The following GTF2H1 variants were observed in gnomAD, a reference collection of about 807,000 sequenced individuals.
GTF2H1 encodes the protein BTF2 p62.
Under a neutral mutation model 71.2 loss-of-function variants are expected in GTF2H1, and 16 were observed. The observed-to-expected ratio is 0.22, with a 90% CI of 0.15 to 0.34. The LOEUF is 0.34. GTF2H1 is among the 10% of genes least tolerant of loss of function. GTF2H1 has a pLI of 1.00. For missense variants in GTF2H1, 498 were observed against 648.2 expected (o/e 0.77, Z 2.52); for synonymous variants, 215 against 219.0 (o/e 0.98, Z 0.16).
chr11:18,361,567 G>A (rs4150669), intron 14 of GTF2H1, among the ~76,000 whole-genome samples: 2,285 of 152,296 alleles, frequency 0.015, 53 homozygotes, highest in African/African-American at 0.052. Context: ...TACTCGGGAG[G>A]CTGAGACAGG....
chr11:18,365,956 A>G lies in GTF2H1; in HGVS notation c.*87A>G. ...GAAACCTGGCCTGACAGACAAGCAG[A>G]TGACCTCACAGGAGTGATAAGAAAC... On this transcript the variant is annotated 3_prime_UTR_variant, in exon 15 of 15. Coordinates refer to ENST00000265963, the MANE Select transcript of GTF2H1 (RefSeq NM_005316.4). 2.4e-6 allele frequency: 2 copies of G among 834,890 alleles called. No homozygotes were observed. Among genetic ancestry groups the G allele is most frequent in the Non-Finnish European group, 2.0e-6 (1 of 494,858 alleles). The allele number at this position is 834,890 out of a possible 1,614,324, so 51.7% of individuals were successfully genotyped here.
intron 1 of GTF2H1, among the ~76,000 whole-genome samples, chr11:18,330,481 A>G (rs920079760): frequency 2.0e-5 from 3 of 152,226 alleles, no homozygotes; most frequent in South Asian, 4.1e-4. Flanking sequence ...AGAGGGCTAC[A>G]TGAAGTACTG....
rs1590203096 is a variant in GTF2H1 at position 18,365,855 on chromosome 11, A to G, written c.1633A>G (p.Met545Val). 3 of 1,612,826 alleles carry G rather than the reference A, an allele frequency of 1.9e-6. No individual in the cohort carries two copies. The highest frequency in any genetic ancestry group is 2.5e-6 in the Non-Finnish European group (3 of 1,178,840). The change falls in exon 15 of 15, where the codon ATG (methionine) becomes GTG (valine). Residue 545 changes from methionine to valine, a missense_variant. Around this residue, in one of 3 missense-constraint regions of GTF2H1, gnomAD observed 266 missense variants for 301.6 expected, o/e 0.88. Coordinates refer to ENST00000265963, the MANE Select transcript of GTF2H1 (RefSeq NM_005316.4). ...KLHTWQSRRL[M>V]KKT ...CCACACATGGCAGTCACGGCGTCTG[A>G]TGAAGAAAACGTGAGGTGGCCATGA...
chr11:18,340,094 T>G (rs1393786450), intron 5 of GTF2H1, among the ~76,000 whole-genome samples: 1 of 152,130 alleles, frequency 6.6e-6, no homozygotes, highest in Non-Finnish European at 1.5e-5. Flanking sequence ...TTCCCCACTC[T>G]TACCCCTTTA....
chr11:18,347,956 G>A (rs1410064574), intron 9 of GTF2H1, 37 bp downstream of exon 9: 5 of 1,327,586 alleles, frequency 3.8e-6, no homozygotes. Context: ...TGGGGCTCAA[G>A]TTTCTCCAAA....
chr11:18,328,235 G>A (rs145059966), intron 1 of GTF2H1, among the ~76,000 whole-genome samples: 2,847 of 146,444 alleles, frequency 0.019, 40 homozygotes, highest in Middle Eastern at 0.053. Context: ...ATGGGGCCAG[G>A]CACTGTGGCT....
intron 7 of GTF2H1, among the ~76,000 whole-genome samples, chr11:18,345,795 A>ATTCTTTTTTTT (rs1865279546): frequency 2.4e-5 from 1 of 42,422 alleles, no homozygotes; most frequent in Non-Finnish European, 5.2e-5. Context: ...AGCACATATG[A>ATTCTTTTTTTT]GTTTTTTTTT....
At chr11:18,357,521 A>T (rs1865584933) in intron 11 of GTF2H1, among the ~76,000 whole-genome samples, 1 of 152,200 alleles carries the variant, frequency 6.6e-6, no homozygotes. Flanking sequence ...GTTCAAGTTC[A>T]GCCTGGGCAA....
intron 11 of GTF2H1, among the ~76,000 whole-genome samples, 187 bp downstream of exon 11, chr11:18,352,633 A>G (rs996855515): frequency 6.6e-6 from 1 of 152,246 alleles, no homozygotes. Context: ...GCATCTGAAG[A>G]TAAGATGATA....
chr11:18,346,939 C>G (rs1865309450), intron 7 of GTF2H1, among the ~76,000 whole-genome samples: 1 of 150,826 alleles, frequency 6.6e-6, no homozygotes, highest in Admixed American at 6.6e-5. Context: ...GAGGTTTCAC[C>G]ATGTTGGCCG....
At chr11:18,362,237 T>C (rs896752375) in intron 14 of GTF2H1, among the ~76,000 whole-genome samples, 2 of 152,180 alleles carry the variant, frequency 1.3e-5, no homozygotes, top group Non-Finnish European at 2.9e-5. Context: ...ATAGAAAAGT[T>C]GCAGTAAAAA....
At chr11:18,338,324 T>C in intron 4 of GTF2H1, 50 bp downstream of exon 4, 1 of 1,205,506 alleles carries the variant, frequency 8.3e-7, no homozygotes, top group South Asian at 1.2e-5. Flanking sequence ...CAAACCCCAA[T>C]ATGTGTCTTA....
chr11:18,353,303 C>T (rs1389087135), intron 11 of GTF2H1, among the ~76,000 whole-genome samples: 2 of 152,188 alleles, frequency 1.3e-5, no homozygotes, highest in African/African-American at 4.8e-5. Flanking sequence ...CCTTCACTGC[C>T]TCCCTTCACT....
chr11:18,340,046 A>T (rs1865122174), intron 5 of GTF2H1, among the ~76,000 whole-genome samples: 1 of 152,174 alleles, frequency 6.6e-6, no homozygotes, highest in African/African-American at 2.4e-5. Context: ...CTGACTAAGC[A>T]GTACTCTCTT....
chr11:18,332,204 T>A (rs1864916956), intron 1 of GTF2H1, among the ~76,000 whole-genome samples: 1 of 152,260 alleles, frequency 6.6e-6, no homozygotes, highest in African/African-American at 2.4e-5. Flanking sequence ...ACGTAATTGT[T>A]AAATTATATT....
rs550648175 is a variant in GTF2H1, at chr11:18,343,065, G to A, written c.837+1458G>A. ...GGCTCCCGAGTAGCTGAGATCACAG[G>A]CACATGCCACCACGCCAGGCTAATT... On this transcript the variant is annotated intron_variant, in intron 7 of 14. Coordinates refer to ENST00000265963, the MANE Select transcript of GTF2H1 (RefSeq NM_005316.4). Among the ~76,000 whole-genome samples, 6 of 152,232 alleles carry A rather than the reference G, an allele frequency of 3.9e-5. No individual in the cohort carries two copies. In the East Asian group the frequency reaches 9.7e-4, roughly 25 times the overall value.
intron 10 of GTF2H1, 63 bp from the exon 11 acceptor site, chr11:18,352,266 A>T (rs1292673948): frequency 1.3e-6 from 1 of 777,894 alleles, no homozygotes; most frequent in Admixed American, 2.1e-5. Flanking sequence ...AAAATGTTGC[A>T]AAGACAAATG....
At chr11:18,334,199 GAAACCCC>G (rs1363109933) in intron 2 of GTF2H1, among the ~76,000 whole-genome samples, 2 of 152,176 alleles carry the variant, frequency 1.3e-5, no homozygotes, top group African/African-American at 4.8e-5. Context: ...CTAACACAAT[GAAACCCC>G]ATCTCTACTA....
intron 10 of GTF2H1, 148 bp from the exon 11 acceptor site, chr11:18,352,181 T>C (rs1004277433): frequency 4.7e-6 from 3 of 641,316 alleles, no homozygotes; most frequent in African/African-American, 3.7e-5. Flanking sequence ...ATTGCCCTTA[T>C]GGGAATTAAA....
Sources: allele counts gnomAD v4.1 joint callset (sites outside exome capture counted in the v4.1 genomes callset), GRCh38; gene constraint gnomAD v4.1.1; regional missense constraint gnomAD v4.1.1; transcripts MANE v1.5; gene names NCBI Gene and HGNC (gene_info 2026-07-23, HGNC 2026-07-21).